Variants in CDH13 observed in about 807,000 individuals in gnomAD.
The protein encoded by CDH13 is cadherin 13, also known as cadherin-13.
Under a neutral mutation model 63.8 loss-of-function variants are expected in CDH13, and 24 were observed. The ratio of observed to expected loss-of-function variants is 0.38; its 90% CI spans 0.27 to 0.53. CDH13 has a LOEUF of 0.53. Among genes scored for constraint, CDH13 ranks in the 20% least tolerant of loss-of-function variants. CDH13 has a pLI of 0.85. For missense variants in CDH13, 1,049 were observed against 903.1 expected, an observed-to-expected ratio of 1.16 and a Z score of -2.07; for synonymous variants, 503 against 355.3, an observed-to-expected ratio of 1.42 and a Z score of -4.67.
At chr16:82,825,266 T>C (rs2038188149) in intron 1 of CDH13, 1 of 152,218 alleles carries the variant, frequency 6.6e-6, no homozygotes, top group Non-Finnish European at 1.5e-5. Flanking sequence ...ACCTTAGTCC[T>C]TCCAAAGCAG....
At chr16:83,073,354 T>TGTGTGTGAGAGAGAGA (rs1311548254) in intron 3 of CDH13, among the ~76,000 whole-genome samples, 13 of 139,862 alleles carry the variant, frequency 9.3e-5, no homozygotes, top group African/African-American at 2.2e-4. Flanking sequence ...TGTGTGTGTG[T>TGTGTGTGAGAGAGAGA]GAGAGAGAGA....
In CDH13 at chr16:83,125,437, T is replaced by C. The variant is rs1261063305; in HGVS notation, c.419T>C (p.Ile140Thr). Residue 140 changes from isoleucine (I) to threonine (T), a missense_variant, in exon 4 of 14, where the codon ATT (isoleucine) becomes ACT (threonine). Physicochemically the swap from Ile to Thr is moderately conservative, Grantham distance 89 (BLOSUM62 -1). Coordinates refer to ENST00000567109, the MANE Select transcript of CDH13 (RefSeq NM_001257.5). ...CCTGTCCCAAGACAAAAGAGGTCCATTGTGGTATCTCCCATTTTAATTCCA... is the reference window on the plus strand; with the variant it reads ...CCTGTCCCAAGACAAAAGAGGTCCACTGTGGTATCTCCCATTTTAATTCCA... ...TSPVPRQKRS[I>T]VVSPILIPEN... is the part of the protein sequence containing the mutation. 6 of 1,612,326 alleles carry C rather than the reference T, an allele frequency of 3.7e-6. No homozygotes were observed. Among genetic ancestry groups the C allele is most frequent in the East Asian group, 4.5e-5 (2 of 44,866 alleles).
Position 83,719,131 on chromosome 16 carries a change from C to T in CDH13, c.1539-28977C>T, listed in dbSNP as rs150722399. 1.6e-3 allele frequency among the ~76,000 whole-genome samples: 239 copies of T among 152,312 alleles called. 6 individuals carry two copies. The East Asian group carries it at 0.04, about 26-fold the overall frequency. On this transcript the variant is annotated intron_variant, in intron 10 of 13. Coordinates refer to ENST00000567109, the MANE Select transcript of CDH13 (RefSeq NM_001257.5). ...ATTCATCTCTTGGGGGCTTCTGCCT[C>T]TCTTTCAGACAAATTATTGCAGAGA...
At chr16:83,069,722 A>G (rs1204198532) in intron 3 of CDH13, among the ~76,000 whole-genome samples, 1 of 152,106 alleles carries the variant, frequency 6.6e-6, no homozygotes, top group Non-Finnish European at 1.5e-5. Flanking sequence ...GCTCTCCCCA[A>G]AGGCTCACTC....
At chr16:83,039,217 C>T (rs1917128111) in intron 3 of CDH13, among the ~76,000 whole-genome samples, 1 of 152,210 alleles carries the variant, frequency 6.6e-6, no homozygotes, top group Admixed American at 6.5e-5. Flanking sequence ...TCACTTCGCT[C>T]CTCTGCTTAA....
At chr16:82,760,030 T>C (rs2034772512) in intron 1 of CDH13, among the ~76,000 whole-genome samples, 1 of 152,242 alleles carries the variant, frequency 6.6e-6, no homozygotes, top group Non-Finnish European at 1.5e-5. Context: ...ATTATGTGAT[T>C]ACAAAGTTGC....
At chr16:83,713,937 A>G (rs1908480671) in intron 10 of CDH13, among the ~76,000 whole-genome samples, 1 of 152,316 alleles carries the variant, frequency 6.6e-6, no homozygotes, top group Middle Eastern at 3.4e-3. Context: ...CTCTGGGTCT[A>G]CAGCTCCCCA....
intron 6 of CDH13, among the ~76,000 whole-genome samples, chr16:83,382,014 T>G (rs1051400531): frequency 3.9e-5 from 6 of 152,228 alleles, no homozygotes; most frequent in Non-Finnish European, 7.3e-5. Context: ...GTCTCCCTTA[T>G]GACCTAACGG....
At chr16:82,963,753 T>C (rs115951928) in intron 2 of CDH13, among the ~76,000 whole-genome samples, 4,021 of 152,258 alleles carry the variant, frequency 0.026, 139 homozygotes, top group African/African-American at 0.079. Flanking sequence ...TTACTCTGCA[T>C]GTGTTAGTGA....
intron 10 of CDH13, among the ~76,000 whole-genome samples, chr16:83,704,675 T>C (rs1332459209): frequency 5.3e-5 from 8 of 152,240 alleles, no homozygotes; most frequent in African/African-American, 1.7e-4. Context: ...ATCCTTAGAA[T>C]TGAATTTAAG....
At chr16:83,197,910 G>A (rs2038921438) in intron 4 of CDH13, among the ~76,000 whole-genome samples, 1 of 152,000 alleles carries the variant, frequency 6.6e-6, no homozygotes, top group Admixed American at 6.5e-5. Context: ...TTTTAATTGT[G>A]ACATTGTACC....
chr16:83,261,946 T>C (rs1907047356), intron 5 of CDH13, among the ~76,000 whole-genome samples: 1 of 152,174 alleles, frequency 6.6e-6, no homozygotes, highest in Non-Finnish European at 1.5e-5. Flanking sequence ...TGATCAGATT[T>C]GTTCTGTTCC....
At position 83,460,062 on chromosome 16, in the gene CDH13, GAT is replaced by G. The variant is rs140765258; in HGVS notation, c.782-26413_782-26412del. On this transcript the variant is annotated intron_variant, in intron 6 of 13. Transcript: ENST00000567109. ...TATAAAGAACTTCTAAACTCAATAA[GAT>G]AGCAAAAAAAAGTAAAAAATAACTA... 3.1e-3 allele frequency among the ~76,000 whole-genome samples: 473 copies of G among 151,988 alleles called. 2 individuals carry two copies. The highest frequency in any genetic ancestry group is 0.011 in the African/African-American group (464 of 41,486).
chr16:82,877,811 AAT>A (rs2040555038), intron 2 of CDH13, among the ~76,000 whole-genome samples: 1 of 92,384 alleles, frequency 1.1e-5, no homozygotes, highest in South Asian at 5.8e-4. Flanking sequence ...TTTTTTTTTA[AAT>A]TTCCAGTAGC....
intron 7 of CDH13, among the ~76,000 whole-genome samples, chr16:83,514,615 G>A (rs1241669066): frequency 5.3e-5 from 8 of 152,062 alleles, no homozygotes; most frequent in Admixed American, 6.5e-5. Context: ...ACTGCACTCC[G>A]GCCTGGGCAA....
intron 4 of CDH13, among the ~76,000 whole-genome samples, chr16:83,190,709 G>T (rs1332389478): frequency 6.6e-6 from 1 of 152,174 alleles, no homozygotes; most frequent in African/African-American, 2.4e-5. Context: ...CTTGAATTGA[G>T]TTATTTTTCC....
At chr16:83,333,216 C>T (rs1311635924) in intron 5 of CDH13, among the ~76,000 whole-genome samples, 1 of 152,026 alleles carries the variant, frequency 6.6e-6, no homozygotes, top group Non-Finnish European at 1.5e-5. Context: ...TGAAATAAAA[C>T]TAAGAAAAAT....
chr16:83,038,421 G>A (rs1313981834), intron 3 of CDH13, among the ~76,000 whole-genome samples: 1 of 152,192 alleles, frequency 6.6e-6, no homozygotes, highest in African/African-American at 2.4e-5. Context: ...ATCTGAGTAG[G>A]CAGAAGAGCA....
At chr16:82,664,018 A>G (rs1037149184) in intron 1 of CDH13, among the ~76,000 whole-genome samples, 11 of 152,146 alleles carry the variant, frequency 7.2e-5, no homozygotes, top group South Asian at 4.1e-4. Flanking sequence ...GTAGCTGTGG[A>G]CCACGAGGCA....
Sources: gnomAD v4.1 joint callset for allele counts (sites outside exome capture counted in the v4.1 genomes callset) on GRCh38, gnomAD v4.1.1 for gene constraint, MANE v1.5 for transcripts, NCBI Gene and HGNC (gene_info 2026-07-23, HGNC 2026-07-21) for gene names.